Variants in MAN1C1 observed in about 807,000 individuals in gnomAD.
MAN1C1 encodes mannosidase alpha class 1C member 1, also known as mannosyl-oligosaccharide 1,2-alpha-mannosidase IC.
In MAN1C1, 49 loss-of-function variants were observed where a neutral mutation model predicts 71.5. That is an observed-to-expected ratio of 0.69 (90% CI 0.54 to 0.87). The LOEUF (loss-of-function observed/expected upper bound fraction) is 0.87. MAN1C1 is among the 40% of genes least tolerant of loss of function. The pLI, the probability that MAN1C1 is intolerant of heterozygous loss-of-function variation, is 0.00. For missense variants in MAN1C1, 743 were observed against 835.0 expected, an observed-to-expected ratio of 0.89 and a Z score of 1.36; for synonymous variants, 352 against 343.7, an observed-to-expected ratio of 1.02 and a Z score of -0.27.
Position 25,776,221 on chromosome 1 carries a change from CCT to C in MAN1C1, c.1258-1880_1258-1879del, listed in dbSNP as rs558470949. Among the ~76,000 whole-genome samples the C allele has an allele frequency of 6.6e-6, 1 of 151,298 alleles. No homozygotes were observed. The highest frequency in any genetic ancestry group is 2.1e-4 in the South Asian group (1 of 4,668). ...ATACCCCTGCATTTTTTAATCTCAT[CCT>C]CTCACTTTGTTTTATTCAAAATGCT... On this transcript the variant is annotated intron_variant, in intron 8 of 11. Transcript: ENST00000374332. This position sits in a 1 kb window ranked among gnomAD's most constrained non-coding sequence, Gnocchi z 4.3.
chr1:25,706,546 T>C (rs927169017), intron 2 of MAN1C1, among the ~76,000 whole-genome samples: 6 of 152,140 alleles, frequency 3.9e-5, no homozygotes, highest in Non-Finnish European at 8.8e-5. Flanking sequence ...TGCAGGCCAT[T>C]CTAGGGAGAG....
At chr1:25,737,380 C>T (rs561848848) in intron 2 of MAN1C1, among the ~76,000 whole-genome samples, 13 of 152,032 alleles carry the variant, frequency 8.6e-5, no homozygotes, top group Non-Finnish European at 1.5e-4. Flanking sequence ...AGGGCCCTGA[C>T]GTCTGTGGCT....
intron 2 of MAN1C1, among the ~76,000 whole-genome samples, chr1:25,706,403 T>A (rs1016964453): frequency 6.6e-6 from 1 of 152,190 alleles, no homozygotes; most frequent in African/African-American, 2.4e-5. Context: ...CGGGAACATG[T>A]GGCCACTGGA....
At chr1:25,698,219 T>G (rs2046392240) in intron 2 of MAN1C1, among the ~76,000 whole-genome samples, 2 of 152,164 alleles carry the variant, frequency 1.3e-5, no homozygotes, top group Admixed American at 1.3e-4. Context: ...AAGGTTCTAT[T>G]GAAGTAGAGC....
chr1:25,658,581 G>C (rs1034168665), intron 1 of MAN1C1, among the ~76,000 whole-genome samples: 2 of 152,140 alleles, frequency 1.3e-5, no homozygotes, highest in African/African-American at 4.8e-5. Context: ...CTCCCCTGTA[G>C]CTGGGACTAC....
chr1:25,659,814 TTAAA>T (rs1167092671), intron 1 of MAN1C1, among the ~76,000 whole-genome samples: 3 of 152,224 alleles, frequency 2.0e-5, no homozygotes, highest in Admixed American at 6.5e-5. Context: ...AAAATTATAG[TTAAA>T]TAAATTAAAA....
intron 1 of MAN1C1, among the ~76,000 whole-genome samples, chr1:25,621,011 G>A (rs563456893): frequency 6.6e-6 from 1 of 152,326 alleles, no homozygotes; most frequent in East Asian, 1.9e-4. Flanking sequence ...AACATGGGTT[G>A]GAGTTTCAGC....
At chr1:25,724,477 G>A (rs2046807867) in intron 2 of MAN1C1, among the ~76,000 whole-genome samples, 1 of 151,218 alleles carries the variant, frequency 6.6e-6, no homozygotes, top group African/African-American at 2.4e-5. Flanking sequence ...GTATTCCCAT[G>A]GAGGTGGCAA....
At chr1:25,648,227 C>G (rs1459599786) in intron 1 of MAN1C1, among the ~76,000 whole-genome samples, 1 of 152,206 alleles carries the variant, frequency 6.6e-6, no homozygotes, top group Non-Finnish European at 1.5e-5. Flanking sequence ...GAGCATATTC[C>G]CAGTTGACAG....
chr1:25,749,539 T>A (rs542616491), intron 4 of MAN1C1, among the ~76,000 whole-genome samples: 1 of 152,286 alleles, frequency 6.6e-6, no homozygotes, highest in African/African-American at 2.4e-5. Flanking sequence ...TTGCTCATCA[T>A]GGGCATGTTG....
intron 2 of MAN1C1, among the ~76,000 whole-genome samples, chr1:25,707,964 G>T (rs1161884478): frequency 1.3e-5 from 2 of 152,212 alleles, no homozygotes; most frequent in Admixed American, 6.5e-5. Context: ...TCATGAACTG[G>T]CTGTAGGAGA....
chr1:25,767,424 GAC>G (rs904808005), intron 7 of MAN1C1, among the ~76,000 whole-genome samples: 5 of 13,064 alleles, frequency 3.8e-4, no homozygotes, highest in East Asian at 4.3e-3. Flanking sequence ...CACCCTCCCA[GAC>G]ACACACACAT....
At chr1:25,688,587 G>A (rs904530109) in intron 2 of MAN1C1, among the ~76,000 whole-genome samples, 1 of 152,084 alleles carries the variant, frequency 6.6e-6, no homozygotes, top group East Asian at 1.9e-4. Flanking sequence ...CAACCCTCTG[G>A]CCCCTTTCCA....
At chr1:25,681,151 G>T (rs377053662) in intron 1 of MAN1C1, among the ~76,000 whole-genome samples, 1 of 151,590 alleles carries the variant, frequency 6.6e-6, no homozygotes, top group Non-Finnish European at 1.5e-5. Flanking sequence ...GCTTGAACCC[G>T]GCAGGTGGAG....
chr1:25,726,584 T>C lies in MAN1C1; in HGVS notation c.638-20084T>C, dbSNP rs552247685. The stretch of plus-strand genomic sequence containing the variant: ...TTCCCCAGGTGGGCCCCATCTCACC[T>C]GTGAGGCCGCTGGTGTGGGGAGAGA... On this transcript the variant is annotated intron_variant, in intron 2 of 11. Coordinates refer to ENST00000374332, the MANE Select transcript of MAN1C1 (RefSeq NM_020379.4). Among the ~76,000 whole-genome samples the C allele has an allele frequency of 2.0e-5, 3 of 152,254 alleles. No homozygotes were observed. The East Asian group carries it at 5.8e-4, about 29-fold the overall frequency.
intron 1 of MAN1C1, among the ~76,000 whole-genome samples, chr1:25,683,577 C>T (rs978485973): frequency 6.6e-6 from 1 of 151,914 alleles, no homozygotes; most frequent in African/African-American, 2.4e-5. Flanking sequence ...GGAAGGATGA[C>T]TTCAGACTGG....
In MAN1C1 at chr1:25,749,261, G is replaced by A. The variant is rs1386701975; in HGVS notation, c.760G>A (p.Glu254Lys). ...GESFHLNVSG[E>K]ASLFEVNIRY... Reference sequence around the variant, plus strand: ...CCTTCTTTCTGTCCTGCAGAGCGGAGAAGCATCCTTGTTTGAGGTGAACAT... The same window carrying A: ...CCTTCTTTCTGTCCTGCAGAGCGGAAAAGCATCCTTGTTTGAGGTGAACAT... Residue 254 changes from glutamate (E) to lysine (K), a missense_variant, in exon 4 of 12, where the codon GAA (glutamate) becomes AAA (lysine). Glu to Lys is a moderately conservative substitution (Grantham distance 56, BLOSUM62 1). Transcript: ENST00000374332. 1 of 1,611,986 alleles carries A rather than the reference G, an allele frequency of 6.2e-7. No individual in the cohort carries two copies. The highest frequency in any genetic ancestry group is 1.3e-5 in the African/African-American group (1 of 75,038).
intron 1 of MAN1C1, among the ~76,000 whole-genome samples, chr1:25,666,332 C>T (rs78032526): frequency 0.024 from 3,586 of 152,238 alleles, 147 homozygotes; most frequent in African/African-American, 0.082. Flanking sequence ...GACTTCACAT[C>T]CAGGAGGGGG....
chr1:25,772,860 T>A (rs964832291), intron 8 of MAN1C1, among the ~76,000 whole-genome samples: 5 of 152,162 alleles, frequency 3.3e-5, no homozygotes, highest in African/African-American at 1.2e-4. Flanking sequence ...CTTCCTGCTC[T>A]TCCTCAGACA....
Sources: allele counts gnomAD v4.1 joint callset (sites outside exome capture counted in the v4.1 genomes callset), GRCh38; gene constraint gnomAD v4.1.1; non-coding constraint Gnocchi (gnomAD v3.1); transcripts MANE v1.5; gene names NCBI Gene and HGNC (gene_info 2026-07-23, HGNC 2026-07-21).